The following TMEM150C variants were observed in gnomAD, a reference collection of about 807,000 sequenced individuals.
The protein encoded by TMEM150C is transmembrane protein 150C, also known as tentonin 3.
A neutral mutation model predicts 29.9 loss-of-function variants in TMEM150C; 10 were observed. The observed-to-expected ratio is 0.33, with a 90% CI of 0.21 to 0.57. The LOEUF is 0.57. Ranked by LOEUF, TMEM150C falls within the 20% of genes least tolerant of loss-of-function variation. TMEM150C has a pLI of 0.88. For missense variants in TMEM150C, 251 were observed against 303.6 expected (o/e 0.83, Z 1.29); for synonymous variants, 101 against 112.5 (o/e 0.90, Z 0.64).
At chr4:82,518,277 C>A (rs555512420) in intron 1 of TMEM150C, among the ~76,000 whole-genome samples, 1 of 151,934 alleles carries the variant, frequency 6.6e-6, no homozygotes, top group African/African-American at 2.4e-5. Flanking sequence ...GATCAAGCAA[C>A]TCCACTCCAG....
upstream of TMEM150C, chr4:82,562,206 G>A (rs994379762): frequency 4.7e-6 from 6 of 1,285,612 alleles, no homozygotes; most frequent in African/African-American, 7.6e-5. Flanking sequence ...GCTTCCTTCC[G>A]AAGCCTTTGT....
chr4:82,501,949 G>A (rs1723749274), intron 5 of TMEM150C, among the ~76,000 whole-genome samples: 1 of 152,180 alleles, frequency 6.6e-6, no homozygotes, highest in South Asian at 2.1e-4. Context: ...TTGTGGGAAG[G>A]ATGGGCTGTC....
chr4:82,504,189 T>C (rs920162195), intron 2 of TMEM150C, among the ~76,000 whole-genome samples: 10 of 152,096 alleles, frequency 6.6e-5, no homozygotes, highest in African/African-American at 2.4e-4. Flanking sequence ...AATACAGTCA[T>C]AAAGATATGC....
intron 2 of TMEM150C, among the ~76,000 whole-genome samples, chr4:82,504,229 A>T (rs1190584218): frequency 6.6e-6 from 1 of 152,168 alleles, no homozygotes; most frequent in Non-Finnish European, 1.5e-5. Context: ...GGGTGGGGAC[A>T]GTCTTGCTCT....
intron 1 of TMEM150C, among the ~76,000 whole-genome samples, chr4:82,525,241 G>A (rs1724615206): frequency 6.6e-6 from 1 of 152,148 alleles, no homozygotes; most frequent in Admixed American, 6.5e-5. Flanking sequence ...AAGTCAGTTG[G>A]GGCTTGGTAA....
intron 1 of TMEM150C, among the ~76,000 whole-genome samples, chr4:82,553,800 C>T (rs1048853669): frequency 4.6e-5 from 7 of 152,182 alleles, no homozygotes; most frequent in Non-Finnish European, 1.0e-4. Flanking sequence ...CGATATGCCA[C>T]TATTTGATCA....
At chr4:82,529,549 A>G (rs369012144) in intron 1 of TMEM150C, among the ~76,000 whole-genome samples, 8 of 152,064 alleles carry the variant, frequency 5.3e-5, no homozygotes, top group African/African-American at 1.9e-4. Context: ...TGGCCTCCCC[A>G]AGTGCTGGGA....
chr4:82,545,660 T>C (rs1433227155), intron 1 of TMEM150C, among the ~76,000 whole-genome samples: 1 of 152,246 alleles, frequency 6.6e-6, no homozygotes, highest in East Asian at 1.9e-4. Flanking sequence ...CCAGGTACAG[T>C]GGCTGACACC....
chr4:82,491,534 T>C (rs1457739515), intron 6 of TMEM150C: 9 of 672,496 alleles, frequency 1.3e-5, no homozygotes, highest in Non-Finnish European at 1.9e-5. Flanking sequence ...TCTTAGGCCT[T>C]TTCTCAAACC....
chr4:82,550,802 AG>A (rs1383615298), intron 1 of TMEM150C, among the ~76,000 whole-genome samples: 56 of 144,896 alleles, frequency 3.9e-4, no homozygotes, highest in Middle Eastern at 3.4e-3. Flanking sequence ...AAAAAAAAAA[AG>A]AAAGAAAGAA....
chr4:82,561,572 G>T (rs1482680726), intron 1 of TMEM150C, among the ~76,000 whole-genome samples: 1 of 150,424 alleles, frequency 6.6e-6, no homozygotes, highest in Non-Finnish European at 1.5e-5. Flanking sequence ...GGCCGGGGCC[G>T]CAGCGGGCGG....
chr4:82,507,700 T>C (rs1285884510), intron 1 of TMEM150C, among the ~76,000 whole-genome samples: 2 of 145,094 alleles, frequency 1.4e-5, no homozygotes, highest in East Asian at 4.1e-4. Context: ...ATAAACAATA[T>C]ATTAAATTAA....
At chr4:82,494,278 GTC>G (rs1227567489) in intron 6 of TMEM150C, among the ~76,000 whole-genome samples, 1 of 152,128 alleles carries the variant, frequency 6.6e-6, no homozygotes, top group Non-Finnish European at 1.5e-5. Context: ...AGGTTTCCTT[GTC>G]TATTTTACAA....
At chr4:82,507,780 G>A (rs1300114009) in intron 1 of TMEM150C, among the ~76,000 whole-genome samples, 4 of 93,362 alleles carry the variant, frequency 4.3e-5, no homozygotes, top group African/African-American at 7.5e-5. Flanking sequence ...ACACGATCTC[G>A]CTTTGTCACC....
At chr4:82,540,419 C>G (rs1445882293) in intron 1 of TMEM150C, among the ~76,000 whole-genome samples, 1 of 151,856 alleles carries the variant, frequency 6.6e-6, no homozygotes, top group South Asian at 2.1e-4. Flanking sequence ...TGGCTATTAC[C>G]TATTCTTTTA....
In TMEM150C at chr4:82,484,795, C is replaced by G. The variant is rs1200569559; in HGVS notation, c.*716G>C. The G allele has an allele frequency of 6.6e-6, 1 of 152,166 alleles. No homozygotes were observed. Among genetic ancestry groups the G allele is most frequent in the African/African-American group, 2.4e-5 (1 of 41,412 alleles). The allele number at this position is 152,166 out of a possible 1,614,324, so 9.4% of individuals were successfully genotyped here. On this transcript the variant is annotated 3_prime_UTR_variant, in exon 8 of 8. Coordinates refer to ENST00000449862, the MANE Select transcript of TMEM150C (RefSeq NM_001080506.3). Reference sequence around the variant, plus strand: ...AACACTAAACCATACCTTCACTGCCCCCATCTTGTTCCAGGCCTGATAGAC... The same window carrying G: ...AACACTAAACCATACCTTCACTGCCGCCATCTTGTTCCAGGCCTGATAGAC...
chr4:82,509,912 C>T (rs1560486315), intron 1 of TMEM150C: 2 of 152,176 alleles, frequency 1.3e-5, no homozygotes, highest in African/African-American at 4.8e-5. Context: ...ACTGAAGCTA[C>T]AGAGTGAAAG....
chr4:82,522,335 G>A (rs1014839841), intron 1 of TMEM150C, among the ~76,000 whole-genome samples: 4 of 152,308 alleles, frequency 2.6e-5, no homozygotes, highest in African/African-American at 9.6e-5. Flanking sequence ...TTGACAAGAT[G>A]GGAGTAAGCT....
intron 1 of TMEM150C, among the ~76,000 whole-genome samples, chr4:82,512,169 T>C (rs1175227796): frequency 6.6e-6 from 1 of 152,206 alleles, no homozygotes; most frequent in Non-Finnish European, 1.5e-5. Context: ...GATTGTTTCT[T>C]TTCTGCCCAC....
Sources: allele counts gnomAD v4.1 joint callset (sites outside exome capture counted in the v4.1 genomes callset), GRCh38; gene constraint gnomAD v4.1.1; transcripts MANE v1.5; gene names NCBI Gene and HGNC (gene_info 2026-07-23, HGNC 2026-07-21).